The following KDM4C variants were observed in gnomAD, a reference collection of about 807,000 sequenced individuals.
The protein encoded by KDM4C is lysine demethylase 4C, also known as lysine-specific demethylase 4C.
In KDM4C, 81 loss-of-function variants were observed where a neutral mutation model predicts 129.3. That is an observed-to-expected ratio of 0.63 (90% CI 0.52 to 0.75). KDM4C has a LOEUF of 0.75. Ranked by LOEUF, KDM4C falls within the 30% of genes least tolerant of loss-of-function variation. The pLI, the probability that KDM4C is intolerant of heterozygous loss-of-function variation, is 0.00. For synonymous variants in KDM4C, 573 were observed against 456.1 expected (o/e 1.26, Z -3.26); for missense variants, 1,457 against 1,304.0 (o/e 1.12, Z -1.81).
chr9:6,722,014 G>C (rs1816970530), intron 1 of KDM4C, among the ~76,000 whole-genome samples: 1 of 152,172 alleles, frequency 6.6e-6, no homozygotes, highest in African/African-American at 2.4e-5. Context: ...GAACCTCCAT[G>C]CCTGGCCTAA....
chr9:6,879,947 A>T (rs1844182211), intron 5 of KDM4C, 65 bp from the exon 6 acceptor site: 2 of 715,016 alleles, frequency 2.8e-6, no homozygotes, highest in Non-Finnish European at 4.7e-6. Flanking sequence ...TTAGGAATAG[A>T]TGTCCTTAGG....
rs111914254 is a variant in KDM4C at position 6,964,101 on chromosome 9, C to G, written c.922-16824C>G. On this transcript the variant is annotated intron_variant, in intron 8 of 21. Transcript: ENST00000381309. ...TATTGTCATTTTATTTTATTTATTT[C>G]AGTTATACTTTAAGTTCTAGGCTAC... Among the ~76,000 whole-genome samples, 3 of 151,878 alleles carry G rather than the reference C, an allele frequency of 2.0e-5. No homozygotes were observed. The East Asian group carries it at 5.8e-4, about 29-fold the overall frequency.
chr9:6,828,272 C>T (rs1016978950), intron 4 of KDM4C, among the ~76,000 whole-genome samples: 2 of 152,000 alleles, frequency 1.3e-5, no homozygotes, highest in African/African-American at 4.8e-5. Context: ...CTCAGCCTCC[C>T]GAATAGCTGG....
At chr9:6,834,868 C>G in intron 4 of KDM4C, 5 of 1,325,190 alleles carry the variant, frequency 3.8e-6, no homozygotes, top group South Asian at 3.5e-5. Context: ...CCATCCAGCC[C>G]GTGCTGTCCC....
intron 5 of KDM4C, among the ~76,000 whole-genome samples, chr9:6,865,684 A>G (rs1841820012): frequency 6.6e-6 from 1 of 152,096 alleles, no homozygotes; most frequent in Non-Finnish European, 1.5e-5. Flanking sequence ...CTGCTGCCTC[A>G]GCCCTCCGTA....
At chr9:6,897,368 T>G (rs1816634394) in intron 8 of KDM4C, among the ~76,000 whole-genome samples, 1 of 152,238 alleles carries the variant, frequency 6.6e-6, no homozygotes, top group African/African-American at 2.4e-5. Flanking sequence ...CTCTCATTTC[T>G]GTCTTTGCTT....
At chr9:6,807,979 G>C (rs1435711148) in intron 3 of KDM4C, among the ~76,000 whole-genome samples, 1 of 129,290 alleles carries the variant, frequency 7.7e-6, no homozygotes, top group Non-Finnish European at 1.6e-5. Flanking sequence ...CGCCCCGTCC[G>C]GGAGGGAGGT....
At chr9:7,163,321 C>G (rs1342030964) in intron 19 of KDM4C, among the ~76,000 whole-genome samples, 4 of 152,178 alleles carry the variant, frequency 2.6e-5, no homozygotes, top group Non-Finnish European at 5.9e-5. Context: ...CCGTGCTTCT[C>G]TTGAATGTAT....
intron 4 of KDM4C, among the ~76,000 whole-genome samples, chr9:6,822,395 G>A (rs927531833): frequency 6.6e-6 from 1 of 152,200 alleles, no homozygotes; most frequent in African/African-American, 2.4e-5. Flanking sequence ...AATAAAATTG[G>A]AATGTTCTCA....
chr9:7,107,049 C>T (rs904316743), intron 18 of KDM4C, among the ~76,000 whole-genome samples: 1 of 152,102 alleles, frequency 6.6e-6, no homozygotes, highest in Non-Finnish European at 1.5e-5. Context: ...TGTTTGCCAG[C>T]GTTTTTGTTG....
At chr9:6,823,544 G>A (rs1833383960) in intron 4 of KDM4C, among the ~76,000 whole-genome samples, 1 of 152,126 alleles carries the variant, frequency 6.6e-6, no homozygotes, top group Non-Finnish European at 1.5e-5. Context: ...CACTGTTGTT[G>A]GATGTTTCAG....
chr9:6,879,235 C>G lies in KDM4C; in HGVS notation c.630-777C>G, dbSNP rs115461417. Among the ~76,000 whole-genome samples, 1,306 of 152,054 alleles carry G rather than the reference C, an allele frequency of 8.6e-3. 20 individuals carry two copies. Among genetic ancestry groups the G allele is most frequent in the African/African-American group, 0.03 (1,249 of 41,464 alleles). On this transcript the variant is annotated intron_variant, in intron 5 of 21. Transcript: ENST00000381309. ...ATTATTCAAATTTATTGTTAATATCCTCATTAAATTTCCTCATTAAAATGC... is the reference window on the plus strand; with the variant it reads ...ATTATTCAAATTTATTGTTAATATCGTCATTAAATTTCCTCATTAAAATGC...
At chr9:6,923,866 T>A (rs375333115) in intron 8 of KDM4C, among the ~76,000 whole-genome samples, 21 of 152,188 alleles carry the variant, frequency 1.4e-4, no homozygotes, top group East Asian at 1.2e-3. Flanking sequence ...CTTCAGCACA[T>A]TGGATTTCAT....
At chr9:7,005,749 C>G (rs548140049) in intron 12 of KDM4C, among the ~76,000 whole-genome samples, 55 of 152,276 alleles carry the variant, frequency 3.6e-4, no homozygotes, top group African/African-American at 1.3e-3. Flanking sequence ...AGCTTTATGG[C>G]TATCTCATAT....
At chr9:6,956,581 C>G (rs953593834) in intron 8 of KDM4C, among the ~76,000 whole-genome samples, 3 of 152,136 alleles carry the variant, frequency 2.0e-5, no homozygotes, top group African/African-American at 7.2e-5. Flanking sequence ...TGGGACACAG[C>G]CATGCTCATT....
chr9:6,981,136 C>T lies in KDM4C; in HGVS notation c.1115+18C>T. The T allele has an allele frequency of 6.3e-7, 1 of 1,585,544 alleles. No individual in the cohort carries two copies. The highest frequency in any genetic ancestry group is 2.3e-5 in the East Asian group (1 of 44,372). On this transcript the variant is annotated intron_variant, in intron 9 of 21. Coordinates refer to ENST00000381309, the MANE Select transcript of KDM4C (RefSeq NM_015061.6). The stretch of plus-strand genomic sequence containing the variant: ...TCCCGAAGGTAATGACCCCTCACCC[C>T]ACTGACCTGCCTTGCCTGTCGTGTT...
At chr9:6,949,130 G>A (rs1193695988) in intron 8 of KDM4C, among the ~76,000 whole-genome samples, 1 of 150,478 alleles carries the variant, frequency 6.6e-6, no homozygotes, top group Non-Finnish European at 1.5e-5. Flanking sequence ...CTTCCCAGAC[G>A]GGGCGGCTGC....
intron 5 of KDM4C, among the ~76,000 whole-genome samples, chr9:6,870,948 C>T (rs1401738220): frequency 6.6e-6 from 1 of 152,136 alleles, no homozygotes; most frequent in African/African-American, 2.4e-5. Context: ...GAAGCTGGGA[C>T]ATCTGTAGGT....
chr9:7,147,509 A>G (rs544020286), intron 19 of KDM4C, among the ~76,000 whole-genome samples: 77 of 152,352 alleles, frequency 5.1e-4, no homozygotes, highest in African/African-American at 1.8e-3. Flanking sequence ...TTTTATTGAC[A>G]TAGTAAAATA....
Sources: allele counts gnomAD v4.1 joint callset (sites outside exome capture counted in the v4.1 genomes callset), GRCh38; gene constraint gnomAD v4.1.1; transcripts MANE v1.5; gene names NCBI Gene and HGNC (gene_info 2026-07-23, HGNC 2026-07-21).